Variants in RCN1 observed in about 807,000 individuals in gnomAD.
The protein encoded by RCN1 is reticulocalbin-1.
RCN1 carries 14 observed loss-of-function variants against 34.7 expected under a neutral mutation model. The ratio of observed to expected loss-of-function variants is 0.40; its 90% CI spans 0.27 to 0.63. The LOEUF is 0.63. Ranked by LOEUF, RCN1 falls within the 30% of genes least tolerant of loss-of-function variation. RCN1 has a pLI of 0.37. For synonymous variants in RCN1, 125 were observed against 165.5 expected, an observed-to-expected ratio of 0.76 and a Z score of 1.88; for missense variants, 326 against 425.1, an observed-to-expected ratio of 0.77 and a Z score of 2.05.
intron 3 of RCN1, among the ~76,000 whole-genome samples, chr11:32,099,913 C>T (rs1028340383): frequency 2.0e-5 from 3 of 152,170 alleles, no homozygotes; most frequent in South Asian, 4.1e-4. Context: ...GAGTAGACTA[C>T]GAGCCTTTGG....
At chr11:32,097,454 T>A in intron 2 of RCN1, 117 bp downstream of exon 2, 1 of 616,586 alleles carries the variant, frequency 1.6e-6, no homozygotes, top group Non-Finnish European at 2.6e-6. Context: ...GCCTCCTAAG[T>A]AGAACCTGCT....
intron 2 of RCN1, 66 bp from the exon 3 acceptor site, chr11:32,098,284 T>G: frequency 7.1e-7 from 1 of 1,415,238 alleles, no homozygotes; most frequent in Non-Finnish European, 9.7e-7. Context: ...GGATGAGTGA[T>G]CTGGCAGGAA....
At chr11:32,091,705 C>T (rs1053985580) in intron 1 of RCN1, 3 of 480,328 alleles carry the variant, frequency 6.2e-6, no homozygotes, top group Non-Finnish European at 1.1e-5. Flanking sequence ...TGGCAGCGGC[C>T]GCGGGAGCCA....
chr11:32,098,705 T>C (rs1852002166), intron 3 of RCN1, among the ~76,000 whole-genome samples, 177 bp downstream of exon 3: 1 of 152,180 alleles, frequency 6.6e-6, no homozygotes. Context: ...GGCTGGCTGC[T>C]GTAACAGATA....
intron 1 of RCN1, 77 bp downstream of exon 1, chr11:32,091,527 C>G (rs1851921698): frequency 6.7e-7 from 1 of 1,490,792 alleles, no homozygotes; most frequent in Non-Finnish European, 8.9e-7. Flanking sequence ...ACGCGGGATA[C>G]CACCGCCAAA....
Position 32,097,701 on chromosome 11 carries a change from G to A in RCN1, c.448+364G>A, listed in dbSNP as rs1304764800. The stretch of plus-strand genomic sequence containing the variant: ...AGCAAGGATTGAGTGGGCCGGAGCA[G>A]TCAGGGAAGGCTTCCTGGTGTGGGT... On this transcript the variant is annotated intron_variant, in intron 2 of 5. Coordinates refer to ENST00000054950, the MANE Select transcript of RCN1 (RefSeq NM_002901.4). 2.0e-5 allele frequency among the ~76,000 whole-genome samples: 3 copies of A among 152,234 alleles called. No homozygotes were observed. The East Asian group carries it at 5.8e-4, about 29-fold the overall frequency.
intron 4 of RCN1, among the ~76,000 whole-genome samples, chr11:32,100,919 G>A (rs1253707642): frequency 6.6e-6 from 1 of 152,126 alleles, no homozygotes; most frequent in Non-Finnish European, 1.5e-5. Flanking sequence ...AAAGGACATT[G>A]GAGATCCCAT....
At chr11:32,102,986 A>G (rs1159024542) in intron 4 of RCN1, 1 of 520,030 alleles carries the variant, frequency 1.9e-6, no homozygotes, top group South Asian at 1.6e-5. Flanking sequence ...TTTATAAATT[A>G]TCATCTCCAT....
At chr11:32,102,200 A>G (rs1338916020) in intron 4 of RCN1, 1 of 152,066 alleles carries the variant, frequency 6.6e-6, no homozygotes, top group East Asian at 1.9e-4. Flanking sequence ...ACCTTCACCA[A>G]TTAGCTGTGT....
chr11:32,103,493 CT>C lies in RCN1; in HGVS notation c.888+15del, dbSNP rs1852072427. On this transcript the variant is annotated intron_variant, in intron 5 of 5. Coordinates refer to ENST00000054950, the MANE Select transcript of RCN1 (RefSeq NM_002901.4). ...AGACAAAAACAAGGTATTTCCCATT[CT>C]TCTGGAATCACTGATTGAAGGGAGA... The C allele has an allele frequency of 1.9e-6, 3 of 1,607,538 alleles. No individual in the cohort carries two copies. Among genetic ancestry groups the C allele is most frequent in the Non-Finnish European group, 2.6e-6 (3 of 1,174,060 alleles).
intron 1 of RCN1, among the ~76,000 whole-genome samples, chr11:32,094,523 A>G (rs889546776): frequency 3.9e-5 from 6 of 152,178 alleles, no homozygotes; most frequent in African/African-American, 1.4e-4. Flanking sequence ...GGTTTTGCTC[A>G]TTCTGTTACC....
intron 4 of RCN1, 78 bp from the exon 5 acceptor site, chr11:32,103,203 G>GCTCCCTTC: frequency 7.5e-7 from 1 of 1,334,080 alleles, no homozygotes; most frequent in Middle Eastern, 1.8e-4. Context: ...AGCTCAGGAG[G>GCTCCCTTC]TCAAGTTTGT....
In RCN1 at chr11:32,097,251, C is replaced by A. The variant is rs1275608739; in HGVS notation, c.362C>A (p.Ala121Asp). The change falls in exon 2 of 6, where the codon GCC (alanine) becomes GAC (aspartate). Residue 121 changes from alanine to aspartate, a missense_variant. Coordinates refer to ENST00000054950, the MANE Select transcript of RCN1 (RefSeq NM_002901.4). Reference protein sequence around the residue: ...VQKRYIFDNVAKVWKDYDRDK... With the variant: ...VQKRYIFDNVDKVWKDYDRDK... ...AAAAGATACATCTTTGATAATGTCG[C>A]CAAAGTCTGGAAGGATTATGATAGG... 2 of 1,607,712 alleles carry A rather than the reference C, an allele frequency of 1.2e-6. No individual in the cohort carries two copies. Among genetic ancestry groups the A allele is most frequent in the Admixed American group, 3.4e-5 (2 of 58,444 alleles).
intron 4 of RCN1, among the ~76,000 whole-genome samples, chr11:32,101,459 A>G (rs1852041825): frequency 6.6e-6 from 1 of 152,222 alleles, no homozygotes; most frequent in Non-Finnish European, 1.5e-5. Context: ...TTTTGTACAG[A>G]TTTTTAATCA....
rs1272319895 is a variant in RCN1, at chr11:32,105,394, C to G, written c.*922C>G. The G allele has an allele frequency of 1.3e-5, 2 of 152,638 alleles. No individual in the cohort carries two copies. Among genetic ancestry groups the G allele is most frequent in the East Asian group, 3.9e-4 (2 of 5,174 alleles). 9.5% of individuals were successfully genotyped at this position (152,638 alleles called of 1,614,324 possible). A position where few individuals can be genotyped will look rare whatever the true frequency, so the allele number is the denominator to read the frequency against. On this transcript the variant is annotated 3_prime_UTR_variant, in exon 6 of 6. Coordinates refer to ENST00000054950, the MANE Select transcript of RCN1 (RefSeq NM_002901.4). ...TGAATCCACGACCCGCAGACCTGTC[C>G]CCCCGCAACAGCTTATACCATGGAA...
intron 1 of RCN1, among the ~76,000 whole-genome samples, chr11:32,093,808 G>A (rs960422653): frequency 6.6e-5 from 10 of 152,158 alleles, no homozygotes; most frequent in African/African-American, 2.4e-4. Context: ...GCTGGCAGGA[G>A]GGCAGTACAC....
chr11:32,091,499 G>A, intron 1 of RCN1, 49 bp downstream of exon 1: 1 of 1,523,606 alleles, frequency 6.6e-7, no homozygotes. Flanking sequence ...GTGTCCGAGG[G>A]CCGCCTGGGC....
intron 1 of RCN1, among the ~76,000 whole-genome samples, chr11:32,092,429 C>T (rs1851932654): frequency 6.6e-6 from 1 of 152,108 alleles, no homozygotes; most frequent in Non-Finnish European, 1.5e-5. Flanking sequence ...TCGCCTGAAA[C>T]GTTTCTGTTG....
chr11:32,098,363 G>C lies in RCN1; in HGVS notation c.462G>C (p.Glu154Asp). 2 of 1,611,466 alleles carry C rather than the reference G, an allele frequency of 1.2e-6. No individual in the cohort carries two copies. Among genetic ancestry groups the C allele is most frequent in the Non-Finnish European group, 1.7e-6 (2 of 1,179,344 alleles). Residue 154 changes from glutamate to aspartate, a missense_variant, in exon 3 of 6, where the codon GAG becomes GAC. Transcript: ENST00000054950. ...TACATCCTGCAGGAAACCCCGCAGA[G>C]TTTCATGATTCTTCAGATCATCACA... is the stretch of plus-strand genomic sequence containing the variant. The part of the protein sequence containing the change: ...TYGYYLGNPA[E>D]FHDSSDHHTF...
Sources: allele counts gnomAD v4.1 joint callset (sites outside exome capture counted in the v4.1 genomes callset), GRCh38; gene constraint gnomAD v4.1.1; transcripts MANE v1.5; gene names NCBI Gene and HGNC (gene_info 2026-07-23, HGNC 2026-07-21).